The following DLG2 variants were observed in gnomAD, a reference collection of about 807,000 sequenced individuals.
DLG2 encodes discs large MAGUK scaffold protein 2.
A neutral mutation model predicts 132.5 loss-of-function variants in DLG2; 45 were observed. That is an observed-to-expected ratio of 0.34 (90% CI 0.27 to 0.44). DLG2 has a LOEUF of 0.44. DLG2 is among the 20% of genes least tolerant of loss of function. DLG2 has a pLI of 1.00. For synonymous variants in DLG2, 424 were observed against 419.6 expected (o/e 1.01, Z -0.13); for missense variants, 1,045 against 1,196.9 (o/e 0.87, Z 1.87).
At chr11:84,922,819 C>T (rs1299893849) in intron 6 of DLG2, among the ~76,000 whole-genome samples, 2 of 146,682 alleles carry the variant, frequency 1.4e-5, no homozygotes, top group Non-Finnish European at 3.0e-5. Context: ...CTTTTCTTCC[C>T]CCCTCTCCAC....
chr11:85,497,742 C>A (rs1447047709), intron 3 of DLG2, among the ~76,000 whole-genome samples: 1 of 152,108 alleles, frequency 6.6e-6, no homozygotes, highest in East Asian at 1.9e-4. Flanking sequence ...CGGCAGAAAC[C>A]CTACAAGCCA....
intron 6 of DLG2, among the ~76,000 whole-genome samples, chr11:84,854,075 C>A (rs2082478281): frequency 6.6e-6 from 1 of 151,958 alleles, no homozygotes; most frequent in South Asian, 2.1e-4. Context: ...ATTAACTAAG[C>A]CATTGCTTAT....
chr11:85,487,824 A>T (rs1344172315), intron 3 of DLG2, among the ~76,000 whole-genome samples: 1 of 152,204 alleles, frequency 6.6e-6, no homozygotes, highest in Non-Finnish European at 1.5e-5. Flanking sequence ...GATCCCCAGG[A>T]AAACAATGCA....
At chr11:84,830,041 T>A (rs1037776651) in intron 6 of DLG2, among the ~76,000 whole-genome samples, 6 of 151,666 alleles carry the variant, frequency 4.0e-5, no homozygotes, top group African/African-American at 1.2e-4. Context: ...GTGAAAAACA[T>A]CTATCATTAT....
At chr11:83,497,481 G>A (rs2094206859) in intron 21 of DLG2, among the ~76,000 whole-genome samples, 1 of 150,764 alleles carries the variant, frequency 6.6e-6, no homozygotes, top group South Asian at 2.1e-4. Context: ...GATGCGGTGA[G>A]CCGAGATCAC....
rs768133029 is a variant in DLG2 at position 83,962,938 on chromosome 11, T to A, written c.1287A>T (p.Pro429=). 1.9e-6 allele frequency: 3 copies of A among 1,613,148 alleles called. No individual in the cohort carries two copies. Among genetic ancestry groups the A allele is most frequent in the Non-Finnish European group, 2.5e-6 (3 of 1,179,336 alleles). Residue 429 remains proline, a synonymous_variant, in exon 14 of 28, where the codon CCA becomes CCT. Coordinates refer to ENST00000376104, the MANE Select transcript of DLG2 (RefSeq NM_001142699.3). ...GCTTTGGAATTGGTGAGTACCTTCC[T>A]GGAGAGATGGGTGGCAGGGAGGTTT... ...EYKTSLPPIS[P]GRYSPIPKHM...
At chr11:84,407,375 C>T (rs188354504) in intron 7 of DLG2, among the ~76,000 whole-genome samples, 8 of 152,218 alleles carry the variant, frequency 5.3e-5, no homozygotes, top group East Asian at 1.9e-4. Context: ...TTGCCTTTCA[C>T]GGCCTTCCTA....
In DLG2 at chr11:83,463,184, G is replaced by T. The variant is rs149310344; in HGVS notation, c.2730-1091C>A. Among the ~76,000 whole-genome samples the T allele has an allele frequency of 7.4e-3, 1,120 of 151,394 alleles. 13 individuals are homozygous for T. The highest frequency in any genetic ancestry group is 0.026 in the African/African-American group (1,054 of 41,186). ...TCTGGGGTAAGAACTCAAGGTTTTGGTTTTTTAAACCAATTTTCAGTTAGA... is the reference window on the plus strand; with the variant it reads ...TCTGGGGTAAGAACTCAAGGTTTTGTTTTTTTAAACCAATTTTCAGTTAGA... On this transcript the variant is annotated intron_variant, in intron 26 of 27. Transcript: ENST00000376104.
intron 6 of DLG2, among the ~76,000 whole-genome samples, chr11:84,974,657 A>T (rs2054610805): frequency 6.6e-6 from 1 of 152,206 alleles, no homozygotes; most frequent in Non-Finnish European, 1.5e-5. Context: ...GTGCTACTGC[A>T]TCTCTACCCC....
intron 6 of DLG2, among the ~76,000 whole-genome samples, chr11:84,569,468 T>C (rs546818423): frequency 6.6e-6 from 1 of 152,042 alleles, no homozygotes; most frequent in South Asian, 2.1e-4. Flanking sequence ...AATAAGATTA[T>C]ATGGATAGAA....
intron 6 of DLG2, among the ~76,000 whole-genome samples, chr11:84,886,286 CT>C (rs2154058288): frequency 6.6e-6 from 1 of 152,172 alleles, no homozygotes; most frequent in African/African-American, 2.4e-5. Context: ...ATTTTCATGT[CT>C]TTTGGGGAGC....
chr11:83,633,951 AGC>A (rs200647248), intron 18 of DLG2, among the ~76,000 whole-genome samples: 7,291 of 151,784 alleles, frequency 0.048, 611 homozygotes, highest in African/African-American at 0.17. Flanking sequence ...AAAAGCAAAA[AGC>A]AAAAAACAAA....
intron 3 of DLG2, among the ~76,000 whole-genome samples, chr11:85,436,239 C>T (rs1330404535): frequency 6.6e-6 from 1 of 152,106 alleles, no homozygotes; most frequent in East Asian, 1.9e-4. Flanking sequence ...CCATTCAGGA[C>T]ATAGGCATGG....
At chr11:83,717,426 T>A (rs2086982944) in intron 18 of DLG2, among the ~76,000 whole-genome samples, 1 of 152,174 alleles carries the variant, frequency 6.6e-6, no homozygotes, top group East Asian at 1.9e-4. Context: ...TACTGCCACA[T>A]CCTAAAAGTG....
At chr11:85,472,025 G>C (rs1014114364) in intron 3 of DLG2, among the ~76,000 whole-genome samples, 1 of 152,098 alleles carries the variant, frequency 6.6e-6, no homozygotes, top group Non-Finnish European at 1.5e-5. Context: ...AGGCAGACAA[G>C]GGTGGGTCCC....
intron 4 of DLG2, among the ~76,000 whole-genome samples, chr11:85,177,571 G>A (rs1051641552): frequency 1.3e-5 from 2 of 151,910 alleles, no homozygotes; most frequent in Non-Finnish European, 2.9e-5. Flanking sequence ...ATGGATGCTG[G>A]GCTTGATACC....
intron 6 of DLG2, among the ~76,000 whole-genome samples, chr11:84,835,808 T>C (rs1042189509): frequency 6.6e-6 from 1 of 151,822 alleles, no homozygotes; most frequent in Non-Finnish European, 1.5e-5. Context: ...TGAATATAGA[T>C]GTAATAATAA....
intron 7 of DLG2, among the ~76,000 whole-genome samples, chr11:84,502,120 C>T (rs867427186): frequency 1.3e-5 from 1 of 76,666 alleles, no homozygotes; most frequent in Non-Finnish European, 2.9e-5. Flanking sequence ...CTGTCTTTCT[C>T]TCTTTCTCTC....
intron 6 of DLG2, among the ~76,000 whole-genome samples, chr11:85,060,320 CAT>C (rs907477093): frequency 3.3e-5 from 5 of 150,198 alleles, no homozygotes; most frequent in African/African-American, 1.2e-4. Flanking sequence ...TAATATATAA[CAT>C]AAGCATATTA....
Sources: gnomAD v4.1 joint callset for allele counts (sites outside exome capture counted in the v4.1 genomes callset) on GRCh38, gnomAD v4.1.1 for gene constraint, MANE v1.5 for transcripts, NCBI Gene and HGNC (gene_info 2026-07-23, HGNC 2026-07-21) for gene names.